NNT: variants seen among roughly 807,000 people sequenced by gnomAD.
NNT encodes NAD(P) transhydrogenase, mitochondrial.
In NNT, 50 loss-of-function variants were observed where a neutral mutation model predicts 104.8. The observed-to-expected ratio is 0.48, with a 90% confidence interval of 0.38 to 0.60. The LOEUF is 0.60. Among genes scored for constraint, NNT ranks in the 20% least tolerant of loss-of-function variants. NNT has a pLI of 0.00. For synonymous variants in NNT, 461 were observed against 490.4 expected, an observed-to-expected ratio of 0.94 and a Z score of 0.79; for missense variants, 1,131 against 1,330.7, an observed-to-expected ratio of 0.85 and a Z score of 2.33.
intron 19 of NNT, among the ~76,000 whole-genome samples, chr5:43,690,307 TG>T (rs1425701380): frequency 2.6e-5 from 4 of 152,142 alleles, no homozygotes; most frequent in Non-Finnish European, 5.9e-5. Context: ...AAATTTGTGT[TG>T]TTTGAAGGCA....
upstream of NNT, chr5:43,603,005 GTAAC>G: frequency 6.6e-6 from 1 of 152,344 alleles, no homozygotes; most frequent in Non-Finnish European, 1.5e-5. Context: ...GCCCCTGGGG[GTAAC>G]TAGCCTTTGA....
intron 19 of NNT, among the ~76,000 whole-genome samples, chr5:43,681,440 C>T (rs1337006457): frequency 6.6e-6 from 1 of 151,618 alleles, no homozygotes; most frequent in Non-Finnish European, 1.5e-5. Flanking sequence ...CTCTTGTCAC[C>T]CAGGCTGGAG....
intron 19 of NNT, among the ~76,000 whole-genome samples, chr5:43,679,832 C>A (rs189403741): frequency 6.6e-6 from 1 of 151,828 alleles, no homozygotes; most frequent in East Asian, 1.9e-4. Context: ...CATGAGAGAG[C>A]TTTTCATTGC....
chr5:43,655,112 A>G (rs1739968377), intron 14 of NNT, among the ~76,000 whole-genome samples: 1 of 152,148 alleles, frequency 6.6e-6, no homozygotes, highest in Non-Finnish European at 1.5e-5. Context: ...TTCATGTTCC[A>G]GGTGTTTCTT....
At chr5:43,651,653 C>T in intron 12 of NNT, 86 bp from the exon 13 acceptor site, 1 of 1,421,168 alleles carries the variant, frequency 7.0e-7, no homozygotes, top group Non-Finnish European at 9.7e-7. Flanking sequence ...GTGCTTAAAA[C>T]AGAAAAATTG....
chr5:43,660,152 T>A (rs916252704), intron 17 of NNT, among the ~76,000 whole-genome samples: 2 of 152,242 alleles, frequency 1.3e-5, no homozygotes, highest in Admixed American at 6.5e-5. Context: ...TTTGTACATA[T>A]CTTTGACATT....
At chr5:43,649,723 G>A (rs1430778815) in intron 11 of NNT, among the ~76,000 whole-genome samples, 2 of 152,126 alleles carry the variant, frequency 1.3e-5, no homozygotes, top group Non-Finnish European at 2.9e-5. Flanking sequence ...GCCCCATGTG[G>A]CATCAGGTTC....
chr5:43,659,379 A>T, intron 17 of NNT, 29 bp downstream of exon 17: 1 of 1,550,426 alleles, frequency 6.4e-7, no homozygotes, highest in South Asian at 1.2e-5. Context: ...ATGAAACAAA[A>T]GGAAATGGCT....
intron 1 of NNT, among the ~76,000 whole-genome samples, chr5:43,604,330 C>G (rs1749093709): frequency 6.6e-6 from 1 of 152,036 alleles, no homozygotes; most frequent in Non-Finnish European, 1.5e-5. Context: ...AAAGTGTGCC[C>G]CTTTTCTTCA....
intron 2 of NNT, among the ~76,000 whole-genome samples, chr5:43,611,133 T>G (rs911981421): frequency 7.2e-6 from 1 of 139,698 alleles, no homozygotes; most frequent in Non-Finnish European, 1.6e-5. Flanking sequence ...TACAGTTGGC[T>G]TGTTCAAAGA....
intron 19 of NNT, among the ~76,000 whole-genome samples, chr5:43,685,486 T>G (rs13183124): frequency 0.037 from 5,662 of 152,028 alleles, 211 homozygotes; most frequent in East Asian, 0.2. Context: ...AAAGAGCTTA[T>G]TTTTTTTAAA....
At chr5:43,635,390 T>C (rs935474716) in intron 7 of NNT, among the ~76,000 whole-genome samples, 48 of 152,114 alleles carry the variant, frequency 3.2e-4, no homozygotes, top group African/African-American at 1.1e-3. Flanking sequence ...TGGAGGAGTG[T>C]GCATGGAAGG....
chr5:43,690,255 A>G (rs1742198726), intron 19 of NNT, among the ~76,000 whole-genome samples: 1 of 152,082 alleles, frequency 6.6e-6, no homozygotes, highest in Admixed American at 6.5e-5. Flanking sequence ...AGTCCAGGGA[A>G]ACTGATTTTG....
At chr5:43,632,966 G>T (rs967289241) in intron 7 of NNT, among the ~76,000 whole-genome samples, 1 of 152,182 alleles carries the variant, frequency 6.6e-6, no homozygotes, top group Non-Finnish European at 1.5e-5. Context: ...TGGTGATTTT[G>T]CACTGACTGT....
chr5:43,628,122 G>T, intron 6 of NNT, 78 bp from the exon 7 acceptor site: 1 of 1,081,194 alleles, frequency 9.2e-7, no homozygotes. Context: ...TTCTTAAAAA[G>T]GTATATGTAA....
intron 19 of NNT, among the ~76,000 whole-genome samples, chr5:43,688,423 T>G (rs954027382): frequency 1.3e-5 from 2 of 152,142 alleles, no homozygotes; most frequent in Non-Finnish European, 2.9e-5. Flanking sequence ...AAATTTTTTT[T>G]CAATTTCAAT....
chr5:43,628,094 T>G, intron 6 of NNT, 106 bp from the exon 7 acceptor site: 1 of 847,060 alleles, frequency 1.2e-6, no homozygotes, highest in Non-Finnish European at 1.7e-6. Context: ...TGTTGACTTT[T>G]GAATATATAG....
At chr5:43,609,012 C>T in intron 1 of NNT, 131 bp from the exon 2 acceptor site, 1 of 447,410 alleles carries the variant, frequency 2.2e-6, no homozygotes, top group Non-Finnish European at 3.9e-6. Flanking sequence ...CAAATAAATT[C>T]TTTATAGATG....
chr5:43,679,482 G>T (rs372883895), intron 19 of NNT, among the ~76,000 whole-genome samples: 3 of 152,196 alleles, frequency 2.0e-5, no homozygotes, highest in African/African-American at 7.2e-5. Context: ...TGTTAAATAG[G>T]TGGATGTGGA....
Sources: allele counts gnomAD v4.1 joint callset (sites outside exome capture counted in the v4.1 genomes callset), GRCh38; gene constraint gnomAD v4.1.1; transcripts MANE v1.5; gene names NCBI Gene and HGNC (gene_info 2026-07-23, HGNC 2026-07-21).